The following DEPTOR variants were observed in gnomAD, a reference collection of about 807,000 sequenced individuals.
DEPTOR encodes DEP domain-containing mTOR-interacting protein.
DEPTOR carries 41 observed loss-of-function variants against 41.6 expected under a neutral mutation model. The observed-to-expected ratio is 0.98, with a 90% CI of 0.77 to 1.28. The LOEUF is 1.28. Ranked by LOEUF, DEPTOR falls within the 50% of genes most tolerant of loss-of-function variation. DEPTOR has a pLI of 0.00. For missense variants in DEPTOR, 514 were observed against 527.9 expected, an observed-to-expected ratio of 0.97 and a Z score of 0.26; for synonymous variants, 195 against 192.3, an observed-to-expected ratio of 1.01 and a Z score of -0.12.
intron 8 of DEPTOR, among the ~76,000 whole-genome samples, chr8:120,020,090 C>CTTGT (rs1027298201): frequency 3.3e-5 from 5 of 151,714 alleles, no homozygotes; most frequent in Admixed American, 3.3e-4. Flanking sequence ...TTTGTTTTTT[C>CTTGT]TTGTTTGTTT....
intron 8 of DEPTOR, among the ~76,000 whole-genome samples, chr8:120,027,556 T>G (rs531006139): frequency 1.3e-5 from 2 of 151,330 alleles, no homozygotes; most frequent in Non-Finnish European, 2.9e-5. Context: ...AATACAAAAA[T>G]TAGCTGGGTG....
At chr8:119,878,374 C>T (rs997599513) in intron 1 of DEPTOR, among the ~76,000 whole-genome samples, 14 of 150,108 alleles carry the variant, frequency 9.3e-5, no homozygotes, top group Non-Finnish European at 1.9e-4. Flanking sequence ...GGCTGGAGTG[C>T]GGTGGCACTA....
intron 4 of DEPTOR, among the ~76,000 whole-genome samples, chr8:119,972,072 G>C (rs1235499982): frequency 6.6e-6 from 1 of 152,196 alleles, no homozygotes; most frequent in Non-Finnish European, 1.5e-5. Flanking sequence ...TATTGGGGCT[G>C]CTATGGTAAC....
At chr8:119,902,835 G>T (rs533779712) in intron 1 of DEPTOR, among the ~76,000 whole-genome samples, 10 of 152,236 alleles carry the variant, frequency 6.6e-5, no homozygotes, top group African/African-American at 2.2e-4. Flanking sequence ...TGTGTTCAAG[G>T]GGAATTTTTT....
chr8:120,016,493 G>T (rs1385157116), intron 8 of DEPTOR, among the ~76,000 whole-genome samples: 2 of 151,902 alleles, frequency 1.3e-5, no homozygotes, highest in Non-Finnish European at 2.9e-5. Context: ...TAGAGACAGG[G>T]TTTCACCATG....
intron 4 of DEPTOR, among the ~76,000 whole-genome samples, chr8:119,993,006 T>G (rs1001389458): frequency 4.6e-5 from 7 of 152,132 alleles, no homozygotes; most frequent in African/African-American, 1.7e-4. Context: ...ATGATACATT[T>G]TTATATTCAT....
At chr8:119,881,977 G>A (rs1437889881) in intron 1 of DEPTOR, among the ~76,000 whole-genome samples, 1 of 152,152 alleles carries the variant, frequency 6.6e-6, no homozygotes, top group Non-Finnish European at 1.5e-5. Context: ...TGCAACCTCT[G>A]CCTCCCAGGT....
chr8:120,024,344 G>C (rs1046133664), intron 8 of DEPTOR, among the ~76,000 whole-genome samples: 1 of 152,216 alleles, frequency 6.6e-6, no homozygotes. Context: ...GTACTTAGGT[G>C]TGAGGGAATC....
At chr8:120,043,439 A>C (rs1813110071) in intron 8 of DEPTOR, among the ~76,000 whole-genome samples, 1 of 152,220 alleles carries the variant, frequency 6.6e-6, no homozygotes, top group Non-Finnish European at 1.5e-5. Context: ...CAAAACCTTA[A>C]TTGAATAAAA....
intron 4 of DEPTOR, among the ~76,000 whole-genome samples, chr8:119,989,983 A>G (rs1812127292): frequency 6.6e-6 from 1 of 152,250 alleles, no homozygotes; most frequent in Non-Finnish European, 1.5e-5. Flanking sequence ...TATCTGAGAT[A>G]TTCCATTTGC....
intron 3 of DEPTOR, among the ~76,000 whole-genome samples, chr8:119,951,465 T>C (rs1828353445): frequency 6.6e-6 from 1 of 152,184 alleles, no homozygotes; most frequent in South Asian, 2.1e-4. Context: ...TATCTAAAGC[T>C]GATTCAGATT....
At chr8:120,002,791 A>AAAATATATATGTATATATATATAT in intron 5 of DEPTOR, among the ~76,000 whole-genome samples, 186 bp from the exon 6 acceptor site, 1 of 60,674 alleles carries the variant, frequency 1.6e-5, no homozygotes, top group Non-Finnish European at 2.9e-5. Context: ...AAAAAAAAAA[A>AAAATATATATGTATATATATATAT]ATATATATAT....
At chr8:119,905,305 T>C (rs1457854027) in intron 1 of DEPTOR, among the ~76,000 whole-genome samples, 1 of 152,146 alleles carries the variant, frequency 6.6e-6, no homozygotes, top group South Asian at 2.1e-4. Context: ...TAGAAGGATG[T>C]GCAAGGTGCA....
rs184244614 is a variant in DEPTOR at position 120,050,379 on chromosome 8, C to T, written c.*675C>T. 3 of 151,666 alleles carry T rather than the reference C, an allele frequency of 2.0e-5. No individual in the cohort carries two copies. Among genetic ancestry groups the T allele is most frequent in the Non-Finnish European group, 2.9e-5 (2 of 67,930 alleles). The allele number at this position is 151,666 out of a possible 1,614,324, so 9.4% of individuals were successfully genotyped here. A position where few individuals can be genotyped will look rare whatever the true frequency, so the allele number is the denominator to read the frequency against. ...GGGAGAGACTACATGAAATTGTGTG[C>T]CCCTATTTTCTTTCTGATCCTAAAT... On this transcript the variant is annotated 3_prime_UTR_variant, in exon 9 of 9. Coordinates refer to ENST00000286234, the MANE Select transcript of DEPTOR (RefSeq NM_022783.4).
intron 1 of DEPTOR, among the ~76,000 whole-genome samples, chr8:119,916,948 G>A (rs1385597331): frequency 6.6e-6 from 1 of 152,108 alleles, no homozygotes; most frequent in African/African-American, 2.4e-5. Context: ...TTAAATTTTT[G>A]TTGCTAGAGA....
rs903000597 is a variant in DEPTOR at position 120,008,930 on chromosome 8, A to G, written c.997-99A>G. 38 of 1,039,618 alleles carry G rather than the reference A, an allele frequency of 3.7e-5. No homozygotes were observed. In the African/African-American group the frequency reaches 5.6e-4, roughly 15 times the overall value. 64.4% of individuals were successfully genotyped at this position (1,039,618 alleles called of 1,614,324 possible). On this transcript the variant is annotated intron_variant, in intron 7 of 8. Coordinates refer to ENST00000286234, the MANE Select transcript of DEPTOR (RefSeq NM_022783.4). ...AGAGAAACGGAGGAAAATATGTCAC[A>G]GTGTATACTTAATCCTGGGCTGGTT...
intron 1 of DEPTOR, among the ~76,000 whole-genome samples, chr8:119,908,028 A>T (rs1309466143): frequency 6.6e-6 from 1 of 152,112 alleles, no homozygotes; most frequent in Non-Finnish European, 1.5e-5. Flanking sequence ...CATCAGAAAG[A>T]CCAAGTGATT....
rs937611862 is a variant in DEPTOR, at chr8:120,050,600, C to T, written c.*896C>T. 3.3e-5 allele frequency: 5 copies of T among 152,132 alleles called. No individual in the cohort carries two copies. Among genetic ancestry groups the T allele is most frequent in the Non-Finnish European group, 5.9e-5 (4 of 68,024 alleles). The allele number at this position is 152,132 out of a possible 1,614,324, so 9.4% of individuals were successfully genotyped here. On this transcript the variant is annotated 3_prime_UTR_variant, in exon 9 of 9. Coordinates refer to ENST00000286234, the MANE Select transcript of DEPTOR (RefSeq NM_022783.4). ...TGATAAAACTTGAACTCTAAATTGC[C>T]TCCTTAGCCTGAATTTTTACTAGCT...
chr8:119,977,563 T>C (rs187495543), intron 4 of DEPTOR, among the ~76,000 whole-genome samples: 17 of 152,308 alleles, frequency 1.1e-4, no homozygotes, highest in South Asian at 2.1e-4. Flanking sequence ...TTACTTTCTA[T>C]TGTAGCTGAA....
Sources: gnomAD v4.1 joint callset for allele counts (sites outside exome capture counted in the v4.1 genomes callset) on GRCh38, gnomAD v4.1.1 for gene constraint, MANE v1.5 for transcripts, NCBI Gene and HGNC (gene_info 2026-07-23, HGNC 2026-07-21) for gene names.